CNBD1: variants seen among roughly 807,000 people sequenced by gnomAD.
CNBD1 encodes cyclic nucleotide-binding domain-containing protein 1.
A neutral mutation model predicts 54.4 loss-of-function variants in CNBD1; 71 were observed. That is an observed-to-expected ratio of 1.30 (90% CI 1.08 to 1.59). CNBD1 has a LOEUF of 1.59. Ranked by LOEUF, CNBD1 falls within the 40% of genes most tolerant of loss-of-function variation. The probability of loss-of-function intolerance (pLI) is 0.00; values close to 1 mark genes in which losing one functional copy is unlikely to be tolerated. For missense variants in CNBD1, 659 were observed against 518.0 expected, an observed-to-expected ratio of 1.27 and a Z score of -2.64; for synonymous variants, 182 against 170.7, an observed-to-expected ratio of 1.07 and a Z score of -0.51.
chr8:87,146,531 TGGTAAACATAAAAG>T (rs1464745652), intron 4 of CNBD1, among the ~76,000 whole-genome samples: 1 of 152,262 alleles, frequency 6.6e-6, no homozygotes, highest in East Asian at 1.9e-4. Context: ...ATCTTTATGC[TGGTAAACATAAAAG>T]GCATAAACTT....
chr8:87,068,242 A>G (rs1418077946), intron 4 of CNBD1, among the ~76,000 whole-genome samples: 1 of 152,080 alleles, frequency 6.6e-6, no homozygotes, highest in East Asian at 1.9e-4. Flanking sequence ...TTAATTTACA[A>G]ACCACTTGCA....
chr8:86,949,951 T>TC lies in CNBD1; in HGVS notation c.431+10197_431+10198insC, dbSNP rs1563833494. Among the ~76,000 whole-genome samples, 3 of 84,364 alleles carry TC rather than the reference T, an allele frequency of 3.6e-5. 1 individual carries two copies. Among genetic ancestry groups the TC allele is most frequent in the Admixed American group, 1.4e-4 (1 of 7,286 alleles). 55.3% of individuals were successfully genotyped at this position (84,364 alleles called of 152,430 possible). A position where few individuals can be genotyped will look rare whatever the true frequency, so the allele number is the denominator to read the frequency against. On this transcript the variant is annotated intron_variant, in intron 4 of 10. Transcript: ENST00000518476. ...GATGTTATACTTCATCAAATGCTTTTTTTTTTTTTTTTTTTTTTTTTTTGA... is the reference window on the plus strand; with the variant it reads ...GATGTTATACTTCATCAAATGCTTTTCTTTTTTTTTTTTTTTTTTTTTTTGA...
intron 3 of CNBD1, among the ~76,000 whole-genome samples, chr8:86,927,986 A>T (rs1222246416): frequency 6.6e-6 from 1 of 152,032 alleles, no homozygotes; most frequent in Non-Finnish European, 1.5e-5. Context: ...TGAATCCAAG[A>T]TTCCACTCTT....
chr8:87,266,465 TTTTG>T (rs1808261691), intron 6 of CNBD1, among the ~76,000 whole-genome samples: 1 of 135,052 alleles, frequency 7.4e-6, no homozygotes, highest in African/African-American at 2.9e-5. Flanking sequence ...TTTTTTTTTT[TTTTG>T]AGACAGAGTT....
intron 6 of CNBD1, among the ~76,000 whole-genome samples, chr8:87,253,384 T>A (rs1807947807): frequency 6.6e-6 from 1 of 152,134 alleles, no homozygotes; most frequent in Non-Finnish European, 1.5e-5. Flanking sequence ...TGGCTGAATC[T>A]AAGTCTGAAG....
chr8:87,357,620 C>A (rs1810445655), intron 10 of CNBD1, among the ~76,000 whole-genome samples: 2 of 152,076 alleles, frequency 1.3e-5, no homozygotes, highest in Admixed American at 6.5e-5. Context: ...AAATTAATAA[C>A]TTGTTTTTGG....
chr8:87,377,241 C>T lies in CNBD1; in HGVS notation c.1304-5379C>T, dbSNP rs1376806267. Among the ~76,000 whole-genome samples the T allele has an allele frequency of 2.4e-3, 356 of 150,618 alleles. 5 individuals are homozygous for T. Among genetic ancestry groups the T allele is most frequent in the African/African-American group, 7.5e-3 (306 of 40,746 alleles). ...TATGTATACATGTGCCATGCTGGTG[C>T]GCTGCACCCACTAACTCATCATCTA... On this transcript the variant is annotated intron_variant, in intron 10 of 10. Coordinates refer to ENST00000518476, the MANE Select transcript of CNBD1 (RefSeq NM_173538.3).
chr8:87,206,386 T>C (rs1165772278), intron 5 of CNBD1, among the ~76,000 whole-genome samples: 1 of 152,130 alleles, frequency 6.6e-6, no homozygotes, highest in Non-Finnish European at 1.5e-5. Context: ...AATTACCCAG[T>C]GATCACATTG....
chr8:87,122,008 A>G (rs991568732), intron 4 of CNBD1, among the ~76,000 whole-genome samples: 18 of 151,516 alleles, frequency 1.2e-4, no homozygotes, highest in Non-Finnish European at 1.0e-4. Flanking sequence ...GGCTGTTGTG[A>G]ATCATTTTGC....
At position 87,342,171 on chromosome 8, in the gene CNBD1, G is replaced by T. The variant is rs577709039; in HGVS notation, c.1043-9514G>T. Among the ~76,000 whole-genome samples the T allele has an allele frequency of 2.9e-4, 44 of 152,104 alleles. No homozygotes were observed. The South Asian group carries it at 3.5e-3, about 12-fold the overall frequency. On this transcript the variant is annotated intron_variant, in intron 8 of 10. Transcript: ENST00000518476. ...ATCTGTAGTCCCAGCTACTTGAGAG[G>T]CTGAGGCAGGAGAATGGCCAGAACC...
At chr8:87,051,048 G>T (rs1338657388) in intron 4 of CNBD1, among the ~76,000 whole-genome samples, 1 of 152,152 alleles carries the variant, frequency 6.6e-6, no homozygotes, top group Non-Finnish European at 1.5e-5. Context: ...AGTTTGTTCT[G>T]AAGCCATTAG....
chr8:87,413,675 G>GA (rs1207554212), intron 2 of CNBD1, among the ~76,000 whole-genome samples: 5 of 151,676 alleles, frequency 3.3e-5, no homozygotes, highest in African/African-American at 1.2e-4. Flanking sequence ...AAATTTACAA[G>GA]AAAAAAACAA....
intron 6 of CNBD1, among the ~76,000 whole-genome samples, chr8:87,274,037 T>C: frequency 6.6e-6 from 1 of 151,494 alleles, no homozygotes; most frequent in African/African-American, 2.4e-5. Context: ...TTTTTGTTCT[T>C]GCGATAGTTT....
At chr8:87,101,951 C>T (rs371752764) in intron 4 of CNBD1, among the ~76,000 whole-genome samples, 3 of 147,778 alleles carry the variant, frequency 2.0e-5, no homozygotes, top group East Asian at 2.0e-4. Flanking sequence ...TGCAGTGGTG[C>T]GATCTTGGCT....
intron 8 of CNBD1, among the ~76,000 whole-genome samples, chr8:87,307,473 C>T (rs1472431767): frequency 6.6e-6 from 1 of 152,190 alleles, no homozygotes; most frequent in Non-Finnish European, 1.5e-5. Flanking sequence ...TGCACTGGCT[C>T]ATGCCTGTAA....
At chr8:87,210,332 A>G (rs890696184) in intron 5 of CNBD1, among the ~76,000 whole-genome samples, 13 of 152,186 alleles carry the variant, frequency 8.5e-5, no homozygotes, top group African/African-American at 2.7e-4. Context: ...CAAAAAAGCT[A>G]TTATGGGTGG....
intron 2 of CNBD1, among the ~76,000 whole-genome samples, chr8:87,406,670 G>A (rs898879078): frequency 6.6e-6 from 1 of 151,858 alleles, no homozygotes; most frequent in Non-Finnish European, 1.5e-5. Context: ...AGTAGAGATG[G>A]GGTTTCACCA....
At chr8:86,924,674 G>A (rs1809328729) in intron 3 of CNBD1, among the ~76,000 whole-genome samples, 1 of 152,058 alleles carries the variant, frequency 6.6e-6, no homozygotes, top group Admixed American at 6.6e-5. Context: ...GGCTATAAGT[G>A]AAAATGGAAC....
Position 87,249,724 on chromosome 8 carries a change from A to G in CNBD1, c.771+12612A>G, listed in dbSNP as rs139155593. Among the ~76,000 whole-genome samples the G allele has an allele frequency of 3.1e-3, 478 of 152,336 alleles. 2 individuals are homozygous for G. Among genetic ancestry groups the G allele is most frequent in the African/African-American group, 0.011 (447 of 41,592 alleles). On this transcript the variant is annotated intron_variant, in intron 6 of 10. Transcript: ENST00000518476. The stretch of plus-strand genomic sequence containing the variant: ...CTGTTAGCAAGCAAAACAGGAGTGA[A>G]GTGCTATTGAGCAGATGAATATGTT...
Sources: allele counts gnomAD v4.1 joint callset (sites outside exome capture counted in the v4.1 genomes callset), GRCh38; gene constraint gnomAD v4.1.1; transcripts MANE v1.5; gene names NCBI Gene and HGNC (gene_info 2026-07-23, HGNC 2026-07-21).